Variants in SART1 observed in about 807,000 individuals in gnomAD.
SART1 encodes the protein U4/U6.U5 tri-snRNP-associated protein 1.
SART1 carries 28 observed loss-of-function variants against 105.0 expected under a neutral mutation model. That is an observed-to-expected ratio of 0.27 (90% CI 0.20 to 0.37). The LOEUF (loss-of-function observed/expected upper bound fraction) is 0.37. Among genes scored for constraint, SART1 ranks in the 10% least tolerant of loss-of-function variants. The pLI is 1.00. For synonymous variants in SART1, 472 were observed against 462.9 expected, an observed-to-expected ratio of 1.02 and a Z score of -0.25; for missense variants, 894 against 1,106.5, an observed-to-expected ratio of 0.81 and a Z score of 2.72.
Position 65,966,486 on chromosome 11 carries a change from G to A in SART1, c.1118G>A (p.Arg373Gln), listed in dbSNP as rs75194122. ...CTGGAGGAGATCCGGGCCAAGCTGC[G>A]GCTGCAGGCTCAGTCCCTGAGCACA... ...RELEEIRAKL[R>Q]LQAQSLSTVG... Residue 373 changes from arginine to glutamine, a missense_variant, in exon 9 of 20, where the codon CGG becomes CAG. This residue lies in a region of SART1 where 712 missense variants were observed against 778.2 expected (regional missense o/e 0.91). Transcript: ENST00000312397. 2,321 of 1,606,956 alleles carry A rather than the reference G, an allele frequency of 1.4e-3. 35 individuals are homozygous for A. In the African/African-American group the frequency reaches 0.027, roughly 19 times the overall value.
chr11:65,976,351 C>T lies in SART1; in HGVS notation c.1573-44C>T, dbSNP rs1022074484. The T allele has an allele frequency of 2.0e-6, 3 of 1,477,442 alleles. No homozygotes were observed. The highest frequency in any genetic ancestry group is 2.7e-6 in the Non-Finnish European group (3 of 1,115,072). The allele number at this position is 1,477,442 out of a possible 1,614,324, so 91.5% of individuals were successfully genotyped here. ...AGGTTCCTGGGTCTCAATGGCATCA[C>T]CCCAGAAACTGCTGGGTTTGCCCAC... is the stretch of plus-strand genomic sequence containing the variant. On this transcript the variant is annotated intron_variant, in intron 12 of 19. Transcript: ENST00000312397. This position sits in a 1 kb window ranked among gnomAD's most constrained non-coding sequence, Gnocchi z 5.1.
At chr11:65,970,668 G>C (rs1034142478) in intron 12 of SART1, among the ~76,000 whole-genome samples, 1 of 151,316 alleles carries the variant, frequency 6.6e-6, no homozygotes, top group Non-Finnish European at 1.5e-5. Flanking sequence ...GCAAAGAGAT[G>C]GGAGATGCTG....
rs188784068 is a variant in SART1 at position 65,978,407 on chromosome 11, C to G, written c.2173-193C>G. 5.8e-5 allele frequency: 35 copies of G among 604,516 alleles called. No homozygotes were observed. The highest frequency in any genetic ancestry group is 4.4e-4 in the Middle Eastern group (1 of 2,252). 37.4% of individuals were successfully genotyped at this position (604,516 alleles called of 1,614,324 possible). On this transcript the variant is annotated intron_variant, in intron 17 of 19. Coordinates refer to ENST00000312397, the MANE Select transcript of SART1 (RefSeq NM_005146.5). The surrounding 1 kb of genome is among the most constrained non-coding windows in gnomAD (Gnocchi z 6.8). Reference sequence around the variant, plus strand: ...CATGGCAGCGCATCCACTAGCCAAGCTGGTCTCCCGGCCTCTGCTGGGGCC... The same window carrying G: ...CATGGCAGCGCATCCACTAGCCAAGGTGGTCTCCCGGCCTCTGCTGGGGCC...
rs536468505 is a variant in SART1 at position 65,976,092 on chromosome 11, T to G, written c.1573-303T>G. Among the ~76,000 whole-genome samples the G allele has an allele frequency of 6.6e-6, 1 of 151,798 alleles. No individual in the cohort carries two copies. Among genetic ancestry groups the G allele is most frequent in the Non-Finnish European group, 1.5e-5 (1 of 67,888 alleles). Reference sequence around the variant, plus strand: ...AGGAGGGAGCCTGGAGGAAGGAGTTTGAGGCTGAGGTAGTGTGTGAGGGGC... The same window carrying G: ...AGGAGGGAGCCTGGAGGAAGGAGTTGGAGGCTGAGGTAGTGTGTGAGGGGC... On this transcript the variant is annotated intron_variant, in intron 12 of 19. Transcript: ENST00000312397. This position sits in a 1 kb window ranked among gnomAD's most constrained non-coding sequence, Gnocchi z 5.1.
Position 65,967,375 on chromosome 11 carries a change from T to C in SART1, c.1305T>C (p.Phe435=). Residue 435 remains phenylalanine (F), a synonymous_variant, in exon 10 of 20, where the codon TTT becomes TTC. Coordinates refer to ENST00000312397, the MANE Select transcript of SART1 (RefSeq NM_005146.5). ...GGGACCAGACTCAGGATGGGGACTT[T>C]GGTTCCAGGTGGGCTTGGACACGGT... ...PLGDQTQDGD[F]GSRLRGRGRR... is the part of the protein sequence containing the mutation. 6.2e-7 allele frequency: 1 copy of C among 1,614,084 alleles called. No individual in the cohort carries two copies. Among genetic ancestry groups the C allele is most frequent in the Middle Eastern group, 1.6e-4 (1 of 6,062 alleles).
rs1472083849 is a variant in SART1 at position 65,967,725 on chromosome 11, G to A, written c.1476G>A (p.Glu492=). The A allele has an allele frequency of 1.3e-6, 2 of 1,557,074 alleles. No homozygotes were observed. The highest frequency in any genetic ancestry group is 2.4e-5 in the East Asian group (1 of 41,978). ...PPPGSPQVLE[E]DEAELELQKQ... is the part of the protein sequence containing the mutation. Reference sequence around the variant, plus strand: ...CGGGGTCCCCGCAGGTGCTGGAGGAGGACGAGGCGGAGCTGGAGCTGCAGA... The same window carrying A: ...CGGGGTCCCCGCAGGTGCTGGAGGAAGACGAGGCGGAGCTGGAGCTGCAGA... Residue 492 remains glutamate (E), a synonymous_variant, in exon 12 of 20, where the codon GAG becomes GAA. Transcript: ENST00000312397.
chr11:65,976,448 T>G lies in SART1; in HGVS notation c.1626T>G (p.Asp542Glu). 2 of 1,570,124 alleles carry G rather than the reference T, an allele frequency of 1.3e-6. No homozygotes were observed. Among genetic ancestry groups the G allele is most frequent in the South Asian group, 1.2e-5 (1 of 83,102 alleles). ...CTCGCCAGCGGGGCTGGGAGGAGGATGAGGATCCCGAGCGGAAGGGGGCCA... is the reference window on the plus strand; with the variant it reads ...CTCGCCAGCGGGGCTGGGAGGAGGAGGAGGATCCCGAGCGGAAGGGGGCCA... ...LESRQRGWEE[D>E]EDPERKGAIV... Residue 542 changes from aspartate (D) to glutamate (E), a missense_variant, in exon 13 of 20, where the codon GAT (aspartate) becomes GAG (glutamate). Transcript: ENST00000312397. The surrounding 1 kb of genome is among the most constrained non-coding windows in gnomAD (Gnocchi z 5.1).
At chr11:65,977,208 G>T in intron 15 of SART1, 107 bp downstream of exon 15, 1 of 769,496 alleles carries the variant, frequency 1.3e-6, no homozygotes, top group South Asian at 1.6e-5. Context: ...CAGTCCCAAT[G>T]CTGGAGCCAG....
At chr11:65,962,124 G>GGT in intron 1 of SART1, 31 bp downstream of exon 1, 1 of 1,113,044 alleles carries the variant, frequency 9.0e-7, no homozygotes, top group Non-Finnish European at 1.2e-6. Flanking sequence ...CAGGGGGCGG[G>GGT]TCGGGCGGGG....
At position 65,967,309 on chromosome 11, in the gene SART1, G is replaced by A. The variant is rs1351918114; in HGVS notation, c.1239G>A (p.Glu413=). ...GGGTGAAGAAAATCCGCAAGAAGGA[G>A]AAGGAGGTAGTAGTGCGGGCAGATG... ...KRRVKKIRKK[E]KEVVVRADDL... The change falls in exon 10 of 20, where the codon GAG becomes GAA. Residue 413 remains glutamate (E), a synonymous_variant. Coordinates refer to ENST00000312397, the MANE Select transcript of SART1 (RefSeq NM_005146.5). 6.2e-7 allele frequency: 1 copy of A among 1,614,018 alleles called. No individual in the cohort carries two copies. Among genetic ancestry groups the A allele is most frequent in the East Asian group, 2.2e-5 (1 of 44,874 alleles).
Position 65,977,061 on chromosome 11 carries a change from T to C in SART1, c.1905T>C (p.Asn635=), listed in dbSNP as rs148815205. Residue 635 remains asparagine, a synonymous_variant, in exon 15 of 20, where the codon AAT becomes AAC. Coordinates refer to ENST00000312397, the MANE Select transcript of SART1 (RefSeq NM_005146.5). ...TCCTGGACGAGGAACCGATCGTGAATAGGGGGCTGGCAGCTGCCCTGCTCC... is the reference window on the plus strand; with the variant it reads ...TCCTGGACGAGGAACCGATCGTGAACAGGGGGCTGGCAGCTGCCCTGCTCC... ...TTILDEEPIV[N]RGLAAALLLC... 5.9e-4 allele frequency: 956 copies of C among 1,614,046 alleles called. 5 individuals are homozygous for C. In the African/African-American group the frequency reaches 8.8e-3, roughly 15 times the overall value.
At chr11:65,962,126 CGGG>C in intron 1 of SART1, 33 bp downstream of exon 1, 1 of 25,828 alleles carries the variant, frequency 3.9e-5, no homozygotes, top group Non-Finnish European at 6.4e-5. Flanking sequence ...GGGGGCGGGT[CGGG>C]CGGGGGTCCC....
chr11:65,973,042 C>A (rs192789186), intron 12 of SART1, among the ~76,000 whole-genome samples: 1 of 152,004 alleles, frequency 6.6e-6, no homozygotes, highest in African/African-American at 2.4e-5. Context: ...GACGTGGTGG[C>A]GGGCACCTGT....
intron 12 of SART1, among the ~76,000 whole-genome samples, chr11:65,968,958 A>G (rs997165565): frequency 6.6e-6 from 1 of 152,140 alleles, no homozygotes; most frequent in Non-Finnish European, 1.5e-5. Flanking sequence ...CAGAGGCCAC[A>G]CTTTTAGCCC....
chr11:65,969,912 CAG>C (rs1855340098), intron 12 of SART1, among the ~76,000 whole-genome samples: 2 of 152,174 alleles, frequency 1.3e-5, no homozygotes, highest in East Asian at 3.9e-4. Context: ...TTAGAAGAAA[CAG>C]GGTTTCACCG....
At position 65,978,664 on chromosome 11, in the gene SART1, G is replaced by A. The variant is rs1291204310; in HGVS notation, c.2237G>A (p.Arg746Gln). 8 of 1,600,602 alleles carry A rather than the reference G, an allele frequency of 5.0e-6. No individual in the cohort carries two copies. Among genetic ancestry groups the A allele is most frequent in the African/African-American group, 1.3e-5 (1 of 74,558 alleles). Residue 746 changes from arginine (R) to glutamine (Q), a missense_variant, in exon 18 of 20, where the codon CGG (arginine) becomes CAG (glutamine). This residue lies in a region of SART1 where 182 missense variants were observed against 328.3 expected (regional missense o/e 0.55). Coordinates refer to ENST00000312397, the MANE Select transcript of SART1 (RefSeq NM_005146.5). This position sits in a 1 kb window ranked among gnomAD's most constrained non-coding sequence, Gnocchi z 6.8. Reference protein sequence around the residue: ...KGSGKMKTERRMKKLDEEALL... With the variant: ...KGSGKMKTERQMKKLDEEALL... Reference sequence around the variant, plus strand: ...TCAGGCAAGATGAAGACAGAGCGGCGGATGAAGAAGCTGGACGAGGAGGCG... The same window carrying A: ...TCAGGCAAGATGAAGACAGAGCGGCAGATGAAGAAGCTGGACGAGGAGGCG...
rs563457471 is a variant in SART1 at position 65,976,431 on chromosome 11, C to G, written c.1609C>G (p.Arg537Gly). ...EIVKKLESRQ[R>G]GWEEDEDPER... is the part of the protein sequence containing the mutation. ...TGTGAAGAAGCTGGAGTCTCGCCAG[C>G]GGGGCTGGGAGGAGGATGAGGATCC... Residue 537 changes from arginine to glycine, a missense_variant, in exon 13 of 20, where the codon CGG becomes GGG. Transcript: ENST00000312397. The surrounding 1 kb of genome is among the most constrained non-coding windows in gnomAD (Gnocchi z 5.1). 13 of 1,561,980 alleles carry G rather than the reference C, an allele frequency of 8.3e-6. No individual in the cohort carries two copies. In the African/African-American group the frequency reaches 1.5e-4, roughly 18 times the overall value.
In SART1 at chr11:65,967,449, CAG is replaced by C; in HGVS notation, c.1314-17_1314-16del. On this transcript the variant is annotated intron_variant, in intron 10 of 19. Transcript: ENST00000312397. The stretch of plus-strand genomic sequence containing the variant: ...GGGTGGCCTGGGGACCGGTGCTCAC[CAG>C]AGAGGCCTCCTTCCCTCAGACTGCG... 1.9e-6 allele frequency: 3 copies of C among 1,613,722 alleles called. No individual in the cohort carries two copies. Among genetic ancestry groups the C allele is most frequent in the South Asian group, 1.1e-5 (1 of 91,068 alleles).
In SART1 at chr11:65,976,774, C is replaced by A; in HGVS notation, c.1857+8C>A. The A allele has an allele frequency of 1.3e-6, 2 of 1,597,364 alleles. No homozygotes were observed. The highest frequency in any genetic ancestry group is 1.7e-6 in the Non-Finnish European group (2 of 1,171,416). On this transcript the variant is annotated splice_region_variant and intron_variant, in intron 14 of 19. Transcript: ENST00000312397. The surrounding 1 kb of genome is among the most constrained non-coding windows in gnomAD (Gnocchi z 5.1). The stretch of plus-strand genomic sequence containing the variant: ...GAGAAGCAGCAGCAGGATGTGAGGG[C>A]CGCGCCGCTGGGGGGTGGGCGTTTG...
Sources: allele counts gnomAD v4.1 joint callset (sites outside exome capture counted in the v4.1 genomes callset), GRCh38; gene constraint gnomAD v4.1.1; regional missense constraint gnomAD v4.1.1; non-coding constraint Gnocchi (gnomAD v3.1); transcripts MANE v1.5; gene names NCBI Gene and HGNC (gene_info 2026-07-23, HGNC 2026-07-21).